DOC2B: variants seen among roughly 807,000 people sequenced by gnomAD.
DOC2B encodes double C2 domain beta.
Under a neutral mutation model 28.9 loss-of-function variants are expected in DOC2B, and 21 were observed. That is an observed-to-expected ratio of 0.73 (90% CI 0.52 to 1.05). The LOEUF is 1.05. DOC2B is among the 50% of genes least tolerant of loss of function. The pLI is 0.00. For synonymous variants in DOC2B, 194 were observed against 178.1 expected, an observed-to-expected ratio of 1.09 and a Z score of -0.71; for missense variants, 384 against 421.1, an observed-to-expected ratio of 0.91 and a Z score of 0.77.
At chr17:162,012 C>T in intron 4 of DOC2B, 69 bp downstream of exon 4, 1 of 1,145,196 alleles carries the variant, frequency 8.7e-7, no homozygotes, top group Non-Finnish European at 1.3e-6. Flanking sequence ...CCAGTCCTGC[C>T]TTCATTAGGA....
At chr17:175,692 T>A (rs763504547) in intron 1 of DOC2B, among the ~76,000 whole-genome samples, 23 of 152,124 alleles carry the variant, frequency 1.5e-4, no homozygotes, top group Non-Finnish European at 2.6e-4. Context: ...GACACCCAAG[T>A]GTAAAAATGC....
rs2040022642 is a variant in DOC2B at position 146,792 on chromosome 17, G to T, written c.*649C>A. 2 of 152,244 alleles carry T rather than the reference G, an allele frequency of 1.3e-5. No individual in the cohort carries two copies. Among genetic ancestry groups the T allele is most frequent in the Admixed American group, 1.3e-4 (2 of 15,274 alleles). The allele number at this position is 152,244 out of a possible 1,614,324, so 9.4% of individuals were successfully genotyped here. A position where few individuals can be genotyped will look rare whatever the true frequency, so the allele number is the denominator to read the frequency against. ...GGTATTTCTCACCCCAGTTGGAATG[G>T]TTTGTTCCCAGCTTCCTGACTAGAT... On this transcript the variant is annotated 3_prime_UTR_variant, in exon 9 of 9. Coordinates refer to ENST00000613549, the MANE Select transcript of DOC2B (RefSeq NM_003585.5).
chr17:149,036 T>C, intron 7 of DOC2B, 75 bp downstream of exon 7: 1 of 398,484 alleles, frequency 2.5e-6, no homozygotes, highest in Non-Finnish European at 4.4e-6. Flanking sequence ...CCATGACCTT[T>C]TGAAAACCCA....
intron 1 of DOC2B, among the ~76,000 whole-genome samples, chr17:173,149 G>A (rs1028126974): frequency 2.6e-5 from 4 of 152,224 alleles, no homozygotes; most frequent in African/African-American, 9.6e-5. Flanking sequence ...GCCGTGAGGA[G>A]CCAGCTGGGT....
rs563840429 is a variant in DOC2B, at chr17:177,754, C to G, written c.373+3353G>C. On this transcript the variant is annotated intron_variant, in intron 1 of 8. Transcript: ENST00000613549. The stretch of plus-strand genomic sequence containing the variant: ...AACATCGAGTGCATTACAAATATCA[C>G]AGGTCCAGGTAGAACATGACTGGGG... 2.6e-5 allele frequency among the ~76,000 whole-genome samples: 4 copies of G among 152,386 alleles called. No homozygotes were observed. The East Asian group carries it at 5.8e-4, about 22-fold the overall frequency.
intron 6 of DOC2B, among the ~76,000 whole-genome samples, chr17:152,076 A>G (rs62053748): frequency 0.13 from 19,986 of 152,030 alleles, 1,813 homozygotes; most frequent in African/African-American, 0.26. Context: ...GGTCCTGGCC[A>G]CCGGGGCTCA....
At chr17:176,089 A>G (rs1384107253) in intron 1 of DOC2B, among the ~76,000 whole-genome samples, 1 of 152,174 alleles carries the variant, frequency 6.6e-6, no homozygotes, top group Non-Finnish European at 1.5e-5. Flanking sequence ...TGAGGCTCAG[A>G]GAGGGGAGGG....
intron 6 of DOC2B, among the ~76,000 whole-genome samples, chr17:155,515 TCA>T (rs2151461803): frequency 6.6e-6 from 1 of 152,092 alleles, no homozygotes; most frequent in Admixed American, 6.5e-5. Flanking sequence ...TCCCCAAGTC[TCA>T]GTTTTCCAGA....
intron 3 of DOC2B, 42 bp from the exon 4 acceptor site, chr17:162,232 A>G (rs970246067): frequency 6.9e-7 from 1 of 1,444,590 alleles, no homozygotes; most frequent in East Asian, 2.5e-5. Context: ...CAAAGTGTGT[A>G]TCAAACAGAA....
At chr17:159,022 C>T (rs184502192) in intron 5 of DOC2B, among the ~76,000 whole-genome samples, 9 of 139,168 alleles carry the variant, frequency 6.5e-5, no homozygotes, top group African/African-American at 8.1e-5. Context: ...CCAGCCTGGG[C>T]GACATAGACT....
chr17:148,825 CAG>C (rs2040042954), intron 7 of DOC2B, among the ~76,000 whole-genome samples: 2 of 152,046 alleles, frequency 1.3e-5, no homozygotes, highest in Non-Finnish European at 2.9e-5. Flanking sequence ...TTGCCCCACA[CAG>C]AGTTTCTCCC....
chr17:149,958 C>G (rs2040054425), intron 6 of DOC2B, among the ~76,000 whole-genome samples: 1 of 152,198 alleles, frequency 6.6e-6, no homozygotes, highest in Non-Finnish European at 1.5e-5. Context: ...TGAGGAAGGA[C>G]AAGACCTTTT....
chr17:173,990 T>A (rs1394818459), intron 1 of DOC2B, among the ~76,000 whole-genome samples: 2 of 152,178 alleles, frequency 1.3e-5, no homozygotes, highest in Admixed American at 6.5e-5. Flanking sequence ...CTGAAAATAT[T>A]TACTATCCAG....
At position 172,763 on chromosome 17, in the gene DOC2B, C is replaced by T; in HGVS notation, c.374-147G>A. The T allele has an allele frequency of 5.1e-6, 3 of 591,364 alleles. No individual in the cohort carries two copies. The Admixed American group carries it at 8.9e-5, about 18-fold the overall frequency. 36.6% of individuals were successfully genotyped at this position (591,364 alleles called of 1,614,324 possible). A position where few individuals can be genotyped will look rare whatever the true frequency, so the allele number is the denominator to read the frequency against. On this transcript the variant is annotated intron_variant, in intron 1 of 8. Coordinates refer to ENST00000613549, the MANE Select transcript of DOC2B (RefSeq NM_003585.5). ...AACCAAGCACCTGCTCTATGCCAGC[C>T]CCTCACCCATCCTCCCAGTCCCACC...
chr17:181,415 A>C lies in DOC2B; in HGVS notation c.65T>G (p.Val22Gly). 1 of 1,187,520 alleles carries C rather than the reference A, an allele frequency of 8.4e-7. No individual in the cohort carries two copies. Among genetic ancestry groups the C allele is most frequent in the Non-Finnish European group, 1.1e-6 (1 of 946,308 alleles). 73.6% of individuals were successfully genotyped at this position (1,187,520 alleles called of 1,614,324 possible). ...ISIQEHMAID[V>G]CPGPIRPIKQ... ...GATGGGACGGATGGGGCCGGGGCACACGTCGATGGCCATATGCTCCTGGAT... is the reference window on the plus strand; with the variant it reads ...GATGGGACGGATGGGGCCGGGGCACCCGTCGATGGCCATATGCTCCTGGAT... The change falls in exon 1 of 9, where the codon GTG (valine) becomes GGG (glycine). Residue 22 changes from valine to glycine, a missense_variant. By Grantham distance (109) the Val-to-Gly change is moderately radical (BLOSUM62 -3). Coordinates refer to ENST00000613549, the MANE Select transcript of DOC2B (RefSeq NM_003585.5). The surrounding 1 kb of genome is among the most constrained non-coding windows in gnomAD (Gnocchi z 7.0).
intron 3 of DOC2B, among the ~76,000 whole-genome samples, chr17:163,272 C>G (rs959601159): frequency 1.3e-5 from 2 of 152,146 alleles, no homozygotes; most frequent in Non-Finnish European, 2.9e-5. Flanking sequence ...AGCATAAGGG[C>G]ATCAAGACCC....
At chr17:150,916 G>A (rs1021167483) in intron 6 of DOC2B, among the ~76,000 whole-genome samples, 11 of 152,128 alleles carry the variant, frequency 7.2e-5, no homozygotes, top group Admixed American at 2.0e-4. Context: ...GAAAGAAGCC[G>A]GACTCACAGG....
rs1199587825 is a variant in DOC2B, at chr17:161,644, C to T, written c.639-103G>A. The T allele has an allele frequency of 2.0e-6, 3 of 1,511,220 alleles. No homozygotes were observed. In the African/African-American group the frequency reaches 4.1e-5, roughly 21 times the overall value. 93.6% of individuals were successfully genotyped at this position (1,511,220 alleles called of 1,614,324 possible). The stretch of plus-strand genomic sequence containing the variant: ...CAGCCCTGGCTTCTCCTGCCCCAAG[C>T]CCTGCCCTGGTCTGGGGTGGGAGAC... On this transcript the variant is annotated intron_variant, in intron 4 of 8. Transcript: ENST00000613549.
At chr17:147,760 G>T (rs1362790441) in intron 8 of DOC2B, among the ~76,000 whole-genome samples, 183 bp from the exon 9 acceptor site, 5 of 152,214 alleles carry the variant, frequency 3.3e-5, no homozygotes, top group African/African-American at 1.2e-4. Flanking sequence ...CAGCCATCCT[G>T]TCTCTCTTCC....
Sources: gnomAD v4.1 joint callset for allele counts (sites outside exome capture counted in the v4.1 genomes callset) on GRCh38, gnomAD v4.1.1 for gene constraint, Gnocchi (gnomAD v3.1) non-coding constraint, MANE v1.5 for transcripts, NCBI Gene and HGNC (gene_info 2026-07-23, HGNC 2026-07-21) for gene names.